Variants in NRXN1 observed in about 807,000 individuals in gnomAD.
NRXN1 encodes the protein neurexin 1, also known as neurexin-1.
Under a neutral mutation model 150.9 loss-of-function variants are expected in NRXN1, and 39 were observed. The ratio of observed to expected loss-of-function variants is 0.26; its 90% confidence interval spans 0.20 to 0.34. NRXN1 has a LOEUF of 0.34. NRXN1 is among the 10% of genes least tolerant of loss of function. The probability of loss-of-function intolerance (pLI) is 1.00; values close to 1 mark genes in which losing one functional copy is unlikely to be tolerated. For missense variants in NRXN1, 1,815 were observed against 1,949.9 expected, an observed-to-expected ratio of 0.93 and a Z score of 1.30; for synonymous variants, 924 against 757.0, an observed-to-expected ratio of 1.22 and a Z score of -3.62.
chr2:50,107,336 C>G (rs564597679), intron 18 of NRXN1, among the ~76,000 whole-genome samples: 1 of 150,984 alleles, frequency 6.6e-6, no homozygotes, highest in Non-Finnish European at 1.5e-5. Flanking sequence ...ACCATATTGC[C>G]TCTCAGACTA....
intron 21 of NRXN1, among the ~76,000 whole-genome samples, chr2:50,013,109 T>A (rs1294203190): frequency 6.6e-6 from 1 of 152,108 alleles, no homozygotes; most frequent in Non-Finnish European, 1.5e-5. Flanking sequence ...AAGATCATGA[T>A]TTAATCATTT....
At chr2:50,358,010 G>A (rs1294662108) in intron 17 of NRXN1, among the ~76,000 whole-genome samples, 2 of 152,120 alleles carry the variant, frequency 1.3e-5, no homozygotes, top group Non-Finnish European at 2.9e-5. Context: ...AAGGGAAGCC[G>A]GTGAGGGACT....
intron 21 of NRXN1, among the ~76,000 whole-genome samples, chr2:49,977,544 C>T (rs184330231): frequency 2.6e-5 from 4 of 152,218 alleles, no homozygotes; most frequent in East Asian, 3.9e-4. Flanking sequence ...TATATTGTAA[C>T]GTGACAAGAT....
chr2:49,963,392 A>C (rs1294434470), intron 21 of NRXN1, among the ~76,000 whole-genome samples: 2 of 152,236 alleles, frequency 1.3e-5, no homozygotes, highest in African/African-American at 2.4e-5. Flanking sequence ...GAGGCAAAAC[A>C]AACAGGAAAT....
At chr2:50,731,474 C>T (rs1489921176) in intron 5 of NRXN1, among the ~76,000 whole-genome samples, 1 of 151,892 alleles carries the variant, frequency 6.6e-6, no homozygotes, top group Non-Finnish European at 1.5e-5. Context: ...AAATGTTATC[C>T]GGCAGATACA....
intron 5 of NRXN1, among the ~76,000 whole-genome samples, chr2:50,844,312 T>C (rs1408541620): frequency 6.6e-6 from 1 of 152,198 alleles, no homozygotes; most frequent in Non-Finnish European, 1.5e-5. Context: ...GCTCCACTTC[T>C]CCGCTTAAAT....
intron 17 of NRXN1, among the ~76,000 whole-genome samples, chr2:50,386,442 CTAA>C (rs745465299): frequency 1.8e-4 from 28 of 151,820 alleles, no homozygotes; most frequent in Admixed American, 9.2e-4. Context: ...GTAATTTCAA[CTAA>C]TGAGTCTTAC....
intron 18 of NRXN1, among the ~76,000 whole-genome samples, chr2:50,147,313 A>G (rs1046521310): frequency 6.6e-6 from 1 of 151,772 alleles, no homozygotes; most frequent in South Asian, 2.1e-4. Flanking sequence ...AGGCATATGC[A>G]TTATCTTTAT....
intron 8 of NRXN1, among the ~76,000 whole-genome samples, chr2:50,577,523 T>A (rs944747213): frequency 4.6e-5 from 7 of 152,142 alleles, no homozygotes; most frequent in Non-Finnish European, 1.0e-4. Flanking sequence ...TTTGTTTCAC[T>A]TATGTGTTTA....
chr2:50,561,768 G>C (rs1000217420), intron 8 of NRXN1, among the ~76,000 whole-genome samples: 2 of 151,700 alleles, frequency 1.3e-5, no homozygotes, highest in Non-Finnish European at 2.9e-5. Context: ...TCCTGAGGGG[G>C]TAAAAATTGC....
rs114178786 is a variant in NRXN1 at position 50,904,272 on chromosome 2, A to T, written c.832+17597T>A. Among the ~76,000 whole-genome samples, 1,318 of 152,288 alleles carry T rather than the reference A, an allele frequency of 8.7e-3. 18 individuals are homozygous for T. Among genetic ancestry groups the T allele is most frequent in the African/African-American group, 0.029 (1,216 of 41,560 alleles). On this transcript the variant is annotated intron_variant, in intron 5 of 22. Coordinates refer to ENST00000401669, the MANE Select transcript of NRXN1 (RefSeq NM_001330078.2). ...GAAATTAAAGTATAATAATAATTTT[A>T]AAAAATGACATAAAATAAAGCTGGT...
chr2:50,389,859 T>A (rs1366752519), intron 17 of NRXN1, among the ~76,000 whole-genome samples: 1 of 152,162 alleles, frequency 6.6e-6, no homozygotes, highest in African/African-American at 2.4e-5. Flanking sequence ...GAAGGCCTCA[T>A]ATTCAAATGG....
intron 17 of NRXN1, among the ~76,000 whole-genome samples, chr2:50,291,727 A>G (rs940952703): frequency 6.6e-6 from 1 of 152,164 alleles, no homozygotes; most frequent in African/African-American, 2.4e-5. Context: ...ACTGACTTTT[A>G]TTTGAAAAGA....
At chr2:50,073,182 C>T (rs1364366785) in intron 19 of NRXN1, among the ~76,000 whole-genome samples, 1 of 152,134 alleles carries the variant, frequency 6.6e-6, no homozygotes, top group African/African-American at 2.4e-5. Flanking sequence ...TAGCTCCAGA[C>T]ATTTGCAGAC....
At chr2:50,651,891 C>A (rs533289513) in intron 5 of NRXN1, among the ~76,000 whole-genome samples, 3 of 152,108 alleles carry the variant, frequency 2.0e-5, no homozygotes, top group South Asian at 2.1e-4. Flanking sequence ...CTGAAAAAAA[C>A]CACAACAATC....
rs2091488818 is a variant in NRXN1, at chr2:50,495,082, T to A, written c.3070+823A>T. On this transcript the variant is annotated intron_variant, in intron 15 of 22. Transcript: ENST00000401669. ...AATTTTCTCTTTCCAGTTTCCTAAC[T>A]CCCCTCCTCCGATTTTCTACATTGA... Among the ~76,000 whole-genome samples the A allele has an allele frequency of 3.3e-5, 5 of 151,096 alleles. No individual in the cohort carries two copies. The South Asian group carries it at 1.0e-3, about 32-fold the overall frequency.
At chr2:50,908,090 C>A (rs1243100307) in intron 5 of NRXN1, among the ~76,000 whole-genome samples, 1 of 152,004 alleles carries the variant, frequency 6.6e-6, no homozygotes, top group South Asian at 2.1e-4. Context: ...CCCTCTAGAA[C>A]AAATACCAAG....
chr2:50,180,115 G>T (rs1331830317), intron 18 of NRXN1, among the ~76,000 whole-genome samples: 2 of 151,926 alleles, frequency 1.3e-5, no homozygotes, highest in Non-Finnish European at 2.9e-5. Context: ...TTGAACTCCT[G>T]GGCTCAAGCA....
At chr2:50,022,439 T>A (rs1333677400) in intron 21 of NRXN1, among the ~76,000 whole-genome samples, 18 of 152,192 alleles carry the variant, frequency 1.2e-4, no homozygotes, top group Non-Finnish European at 2.4e-4. Flanking sequence ...GAATGACAGA[T>A]CTTCTAATAC....
Sources: allele counts gnomAD v4.1 joint callset (sites outside exome capture counted in the v4.1 genomes callset), GRCh38; gene constraint gnomAD v4.1.1; transcripts MANE v1.5; gene names NCBI Gene and HGNC (gene_info 2026-07-23, HGNC 2026-07-21).